Variants in SPANXN4 observed in about 807,000 individuals in gnomAD.
SPANXN4 encodes the protein sperm protein associated with the nucleus on the X chromosome N4.
A neutral mutation model predicts 6.0 loss-of-function variants in SPANXN4; 5 were observed. The observed-to-expected ratio is 0.83, with a 90% confidence interval of 0.44 to 1.75. The LOEUF is 1.75. Ranked by LOEUF, SPANXN4 falls within the 40% of genes most tolerant of loss-of-function variation. The pLI is 0.02. For synonymous variants in SPANXN4, 45 were observed against 38.0 expected (o/e 1.19, Z -0.68); for missense variants, 157 against 108.6 (o/e 1.45, Z -1.98).
intron 1 of SPANXN4, among the ~76,000 whole-genome samples, chrX:143,030,066 T>G (rs1258237298): frequency 1.8e-5 from 2 of 109,975 alleles, no homozygotes; most frequent in South Asian, 4.0e-4. Flanking sequence ...TTGTTTTTTT[T>G]TTAAGTGGGA....
In SPANXN4 at chrX:143,029,553, C is replaced by A. The variant is rs1301932482; in HGVS notation, c.78+3461C>A. ...CATGTAGGCGTTCCCCGCAAAGGAG[C>A]TTTTGAAATATGTTGGAAGCGGGAG... On this transcript the variant is annotated intron_variant, in intron 1 of 2. Transcript: ENST00000370504. Among the ~76,000 whole-genome samples the A allele has an allele frequency of 2.7e-5, 3 of 111,113 alleles. No homozygotes were observed. In the East Asian group the frequency reaches 8.6e-4, roughly 32 times the overall value.
At chrX:143,037,207 A>C (rs936349077), downstream of SPANXN4, among the ~76,000 whole-genome samples, 3 of 111,179 alleles carry the variant, frequency 2.7e-5, no homozygotes, top group African/African-American at 6.5e-5. Flanking sequence ...CGAGGTAAAC[A>C]CTAGATACAT....
downstream of SPANXN4, among the ~76,000 whole-genome samples, chrX:143,037,678 A>G (rs1932850338): frequency 1.8e-5 from 2 of 111,673 alleles, no homozygotes; most frequent in South Asian, 7.5e-4. Context: ...TATAATCCCC[A>G]TAATTTCCAT....
At chrX:143,034,825 C>A (rs961038078), downstream of SPANXN4, 1 of 898,932 alleles carries the variant, frequency 1.1e-6, no homozygotes, top group African/African-American at 2.0e-5. Flanking sequence ...CTAGGTGGAG[C>A]AGTCACCTAC....
chrX:143,034,676 C>T (rs1302879536), exon 3 of SPANXN4: 2 of 1,146,125 alleles, frequency 1.7e-6, no homozygotes, highest in Non-Finnish European at 2.3e-6. Context: ...TTGTAACTCA[C>T]CCAATGCTGT....
intron 1 of SPANXN4, among the ~76,000 whole-genome samples, chrX:143,033,675 A>T (rs182773612): frequency 3.6e-5 from 4 of 111,823 alleles, no homozygotes; most frequent in Non-Finnish European, 7.5e-5. Flanking sequence ...CTTTGCCCAG[A>T]AAGATATGAT....
chrX:143,034,410 T>A, intron 2 of SPANXN4, 99 bp downstream of exon 2: 6 of 1,077,898 alleles, frequency 5.6e-6, no homozygotes, highest in Middle Eastern at 3.7e-4. Context: ...CCTGTAGCAT[T>A]GGCGGACAGA....
chrX:143,026,064 G>A (rs1213157429), exon 1 of SPANXN4: 2 of 1,208,820 alleles, frequency 1.7e-6, no homozygotes, highest in Non-Finnish European at 1.1e-6. Context: ...AAGAGCCCCT[G>A]TGAATCTAAC....
chrX:143,034,486 C>G lies in SPANXN4; in HGVS notation c.284-23C>G, dbSNP rs144359650. ...GGACTGATTCCTGGAGACAAATTTT[C>G]TTCTTAAAATTTTATCTCACAGGAG... On this transcript the variant is annotated intron_variant, in intron 2 of 2. Transcript: ENST00000370504. The G allele has an allele frequency of 1.8e-3, 2,004 of 1,121,225 alleles. 26 individuals carry two copies. In the African/African-American group the frequency reaches 0.033, roughly 18 times the overall value. 92.4% of individuals were successfully genotyped at this position (1,121,225 alleles called of 1,213,427 possible).
At chrX:143,036,547 C>T (rs759940375), downstream of SPANXN4, among the ~76,000 whole-genome samples, 20 of 111,824 alleles carry the variant, frequency 1.8e-4, 1 homozygote, top group African/African-American at 5.5e-4. Context: ...TGAATTATCG[C>T]GACATCCTTT....
downstream of SPANXN4, among the ~76,000 whole-genome samples, chrX:143,035,075 C>CAAAAA (rs780134042): frequency 5.1e-5 from 2 of 39,087 alleles, no homozygotes; most frequent in Non-Finnish European, 9.3e-5. Flanking sequence ...GACTCTGTCT[C>CAAAAA]AAAAAAAAAA....
At chrX:143,032,604 G>A (rs1315686459) in intron 1 of SPANXN4, among the ~76,000 whole-genome samples, 1 of 110,856 alleles carries the variant, frequency 9.0e-6, no homozygotes, top group Non-Finnish European at 1.9e-5. Flanking sequence ...CAGAGAGAGA[G>A]AGCAATCCAT....
At chrX:143,029,133 A>C (rs1228515620) in intron 1 of SPANXN4, among the ~76,000 whole-genome samples, 1 of 111,173 alleles carries the variant, frequency 9.0e-6, no homozygotes, top group Non-Finnish European at 1.9e-5. Flanking sequence ...CAGGCTGCTG[A>C]ACGTGTTTAG....
At chrX:143,033,750 A>C (rs188339030) in intron 1 of SPANXN4, among the ~76,000 whole-genome samples, 219 of 111,645 alleles carry the variant, frequency 2.0e-3, no homozygotes, top group Non-Finnish European at 3.3e-3. Flanking sequence ...GATGTTTCTC[A>C]TGGCCTGAAC....
intron 1 of SPANXN4, among the ~76,000 whole-genome samples, chrX:143,029,150 C>T (rs1932794698): frequency 9.0e-6 from 1 of 111,192 alleles, no homozygotes; most frequent in Non-Finnish European, 1.9e-5. Flanking sequence ...TTAGAAGTTT[C>T]CCTTTGTTAT....
At chrX:143,038,565 T>C (rs1932854694), downstream of SPANXN4, among the ~76,000 whole-genome samples, 1 of 111,779 alleles carries the variant, frequency 8.9e-6, no homozygotes. Flanking sequence ...TATTTTGCTT[T>C]CTTCTTGTTT....
At chrX:143,026,171 G>A (rs1932776990) in intron 1 of SPANXN4, 79 bp downstream of exon 1, 2 of 867,184 alleles carry the variant, frequency 2.3e-6, no homozygotes, top group Non-Finnish European at 3.3e-6. Context: ...ACAGCAACAC[G>A]GGTATACTGC....
chrX:143,034,173 C>T (rs1238227641), exon 2 of SPANXN4: 1 of 1,181,045 alleles, frequency 8.5e-7, no homozygotes, highest in Non-Finnish European at 1.1e-6. Context: ...ACAGAGAGCT[C>T]CACTGATCCA....
At chrX:143,035,244 A>G (rs1468351393), downstream of SPANXN4, among the ~76,000 whole-genome samples, 2 of 110,504 alleles carry the variant, frequency 1.8e-5, no homozygotes, top group East Asian at 5.6e-4. Context: ...CTTTATTTCC[A>G]TGGCCCAGTT....
Sources: gnomAD v4.1 joint callset for allele counts (sites outside exome capture counted in the v4.1 genomes callset) on GRCh38, gnomAD v4.1.1 for gene constraint, MANE v1.5 for transcripts, NCBI Gene and HGNC (gene_info 2026-07-23, HGNC 2026-07-21) for gene names.